KIAA1958: variants seen among roughly 807,000 people sequenced by gnomAD.
KIAA1958 encodes KIAA1958.
In KIAA1958, 14 loss-of-function variants were observed where a neutral mutation model predicts 47.2. That is an observed-to-expected ratio of 0.30 (90% CI 0.20 to 0.46). The LOEUF is 0.46. Ranked by LOEUF, KIAA1958 falls within the 20% of genes least tolerant of loss-of-function variation. The probability of loss-of-function intolerance (pLI) is 1.00; values close to 1 mark genes in which losing one functional copy is unlikely to be tolerated. For synonymous variants in KIAA1958, 354 were observed against 353.3 expected, an observed-to-expected ratio of 1.00 and a Z score of -0.02; for missense variants, 803 against 909.2, an observed-to-expected ratio of 0.88 and a Z score of 1.50.
intron 1 of KIAA1958, among the ~76,000 whole-genome samples, chr9:112,513,481 G>GGTGGCTTAGGGAGCCCGTCCGGCCATA (rs1344957647): frequency 7.4e-5 from 1 of 13,446 alleles, no homozygotes. Flanking sequence ...GGCTGGGGTC[G>GGTGGCTTAGGGAGCCCGTCCGGCCATA]GTGGCCGCGG....
chr9:112,525,220 G>T (rs1161986628), intron 1 of KIAA1958, among the ~76,000 whole-genome samples: 1 of 152,192 alleles, frequency 6.6e-6, no homozygotes, highest in Admixed American at 6.5e-5. Context: ...GTCAGAGATG[G>T]TTGCATCAAT....
chr9:112,545,460 G>A (rs1219808726), intron 1 of KIAA1958, among the ~76,000 whole-genome samples: 1 of 152,148 alleles, frequency 6.6e-6, no homozygotes, highest in African/African-American at 2.4e-5. Context: ...TGTCAAGTCA[G>A]GGTTTGGCTT....
intron 1 of KIAA1958, among the ~76,000 whole-genome samples, chr9:112,496,415 G>A (rs1834052668): frequency 6.6e-6 from 1 of 152,232 alleles, no homozygotes; most frequent in South Asian, 2.1e-4. Context: ...ACCCTTGGGA[G>A]AGTATTGATG....
chr9:112,592,617 C>T (rs1282891762), intron 2 of KIAA1958, among the ~76,000 whole-genome samples: 10 of 152,168 alleles, frequency 6.6e-5, no homozygotes, highest in African/African-American at 2.4e-4. Context: ...CTGCTGCTAC[C>T]ATAAGTTGGA....
intron 2 of KIAA1958, among the ~76,000 whole-genome samples, chr9:112,641,348 G>A (rs574249348): frequency 1.0e-5 from 1 of 95,378 alleles, no homozygotes; most frequent in Non-Finnish European, 2.1e-5. Flanking sequence ...TTTTTTTTTA[G>A]CCATTTGGTG....
intron 2 of KIAA1958, among the ~76,000 whole-genome samples, chr9:112,635,264 G>GTGTGTT (rs1588048877): frequency 8.4e-6 from 1 of 119,544 alleles, no homozygotes; most frequent in East Asian, 2.3e-4. Flanking sequence ...GTGTGTGTGT[G>GTGTGTT]TTTTGAGACA....
At chr9:112,641,915 G>A (rs985147028) in intron 2 of KIAA1958, among the ~76,000 whole-genome samples, 14 of 152,080 alleles carry the variant, frequency 9.2e-5, no homozygotes, top group Admixed American at 2.6e-4. Context: ...AATCTCTAAT[G>A]ATATATTTGA....
chr9:112,520,905 G>A (rs545877547), intron 1 of KIAA1958, among the ~76,000 whole-genome samples: 24 of 152,144 alleles, frequency 1.6e-4, no homozygotes, highest in Middle Eastern at 3.4e-3. Context: ...GAAGTTAGGC[G>A]GTGCTAAATA....
rs939134979 is a variant in KIAA1958, at chr9:112,619,043, T to C, written c.1172-26607T>C. ...ACTTTATAAAAATATAAATATATAA[T>C]ATATTTTTCTTTTTACAAATAAGCC... On this transcript the variant is annotated intron_variant, in intron 2 of 3. Coordinates refer to ENST00000337530, the MANE Select transcript of KIAA1958 (RefSeq NM_133465.4). The C allele has an allele frequency of 3.1e-6, 3 of 978,326 alleles. No homozygotes were observed. The African/African-American group carries it at 5.1e-5, about 17-fold the overall frequency. 60.6% of individuals were successfully genotyped at this position (978,326 alleles called of 1,614,324 possible). A position where few individuals can be genotyped will look rare whatever the true frequency, so the allele number is the denominator to read the frequency against.
intron 2 of KIAA1958, among the ~76,000 whole-genome samples, chr9:112,602,717 C>A (rs986958383): frequency 6.6e-6 from 1 of 152,078 alleles, no homozygotes; most frequent in Admixed American, 6.5e-5. Flanking sequence ...AAGCTTCCAG[C>A]GGCCTCATAA....
At chr9:112,653,104 C>A (rs576633025) in intron 3 of KIAA1958, among the ~76,000 whole-genome samples, 4 of 152,114 alleles carry the variant, frequency 2.6e-5, no homozygotes, top group Admixed American at 2.6e-4. Context: ...AAATTAAGTG[C>A]AATGGGATCC....
At position 112,662,185 on chromosome 9, in the gene KIAA1958, T is replaced by A. The variant is rs1776685634; in HGVS notation, c.*2116T>A. ...AATGTGTTGCCTGTCACCTAGTTGATGTTCCATAAAATCCCTGGGTTCTGA... is the reference window on the plus strand; with the variant it reads ...AATGTGTTGCCTGTCACCTAGTTGAAGTTCCATAAAATCCCTGGGTTCTGA... On this transcript the variant is annotated 3_prime_UTR_variant, in exon 4 of 4. Transcript: ENST00000337530. The A allele has an allele frequency of 6.6e-6, 1 of 152,214 alleles. No homozygotes were observed. The highest frequency in any genetic ancestry group is 1.5e-5 in the Non-Finnish European group (1 of 68,042). 9.4% of individuals were successfully genotyped at this position (152,214 alleles called of 1,614,324 possible).
intron 3 of KIAA1958, among the ~76,000 whole-genome samples, chr9:112,657,104 CT>C (rs144431194): frequency 2.0e-5 from 3 of 150,820 alleles, no homozygotes; most frequent in South Asian, 2.1e-4. Context: ...TTCACTCTCC[CT>C]TTTTTTTTGA....
At chr9:112,511,213 G>A (rs1834319889) in intron 1 of KIAA1958, among the ~76,000 whole-genome samples, 1 of 152,168 alleles carries the variant, frequency 6.6e-6, no homozygotes, top group Admixed American at 6.5e-5. Flanking sequence ...AGCAGCACCA[G>A]TATCATCTGA....
At chr9:112,535,960 G>C (rs942826549) in intron 1 of KIAA1958, among the ~76,000 whole-genome samples, 3 of 152,162 alleles carry the variant, frequency 2.0e-5, no homozygotes, top group African/African-American at 7.2e-5. Context: ...CTGGTGGATT[G>C]TGTCATATTG....
intron 2 of KIAA1958, among the ~76,000 whole-genome samples, chr9:112,621,619 TTTTA>T (rs1444444186): frequency 2.0e-5 from 3 of 152,312 alleles, no homozygotes; most frequent in East Asian, 1.9e-4. Context: ...TGTGAATTAT[TTTTA>T]TTTATTTATA....
At chr9:112,512,550 TTAA>T (rs1324715126) in intron 1 of KIAA1958, among the ~76,000 whole-genome samples, 1 of 152,232 alleles carries the variant, frequency 6.6e-6, no homozygotes, top group Admixed American at 6.5e-5. Context: ...AACTTCATGT[TTAA>T]TAATTTAAGA....
intron 1 of KIAA1958, among the ~76,000 whole-genome samples, chr9:112,489,172 A>C (rs1046029601): frequency 3.9e-5 from 6 of 152,220 alleles, no homozygotes; most frequent in Non-Finnish European, 5.9e-5. Flanking sequence ...TCGTGAATCC[A>C]GGAATGGAGT....
chr9:112,548,154 C>T (rs1224473932), intron 1 of KIAA1958, among the ~76,000 whole-genome samples: 1 of 152,004 alleles, frequency 6.6e-6, no homozygotes, highest in Non-Finnish European at 1.5e-5. Context: ...CAGGCAAGCG[C>T]CACCACACCC....
Sources: gnomAD v4.1 joint callset for allele counts (sites outside exome capture counted in the v4.1 genomes callset) on GRCh38, gnomAD v4.1.1 for gene constraint, MANE v1.5 for transcripts, NCBI Gene and HGNC (gene_info 2026-07-23, HGNC 2026-07-21) for gene names.